Variants in PPP4R4 observed in about 807,000 individuals in gnomAD.
PPP4R4 encodes serine/threonine-protein phosphatase 4 regulatory subunit 4.
Under a neutral mutation model 121.8 loss-of-function variants are expected in PPP4R4, and 70 were observed. The observed-to-expected ratio is 0.57, with a 90% CI of 0.47 to 0.70. The LOEUF is 0.70. Ranked by LOEUF, PPP4R4 falls within the 30% of genes least tolerant of loss-of-function variation. The pLI is 0.00. For missense variants in PPP4R4, 875 were observed against 1,033.6 expected, an observed-to-expected ratio of 0.85 and a Z score of 2.10; for synonymous variants, 348 against 355.7, an observed-to-expected ratio of 0.98 and a Z score of 0.24.
intron 2 of PPP4R4, 73 bp from the exon 3 acceptor site, chr14:94,208,391 C>T: frequency 9.0e-7 from 1 of 1,110,540 alleles, no homozygotes; most frequent in South Asian, 1.9e-5. Context: ...TCCAATTAGT[C>T]CATACTTTTT....
Position 94,262,238 on chromosome 14 carries a change from G to A in PPP4R4, c.2128-2640G>A, listed in dbSNP as rs1182861429. On this transcript the variant is annotated intron_variant, in intron 19 of 24. Coordinates refer to ENST00000304338, the MANE Select transcript of PPP4R4 (RefSeq NM_058237.2). ...ATTTCCTTAGTAGACATTAGATAATGTAGATCTTCTGTTTCTTCTGTTGTC... is the reference window on the plus strand; with the variant it reads ...ATTTCCTTAGTAGACATTAGATAATATAGATCTTCTGTTTCTTCTGTTGTC... Among the ~76,000 whole-genome samples the A allele has an allele frequency of 2.6e-5, 4 of 152,094 alleles. No homozygotes were observed. The South Asian group carries it at 6.2e-4, about 24-fold the overall frequency.
chr14:94,205,549 C>T (rs1890412262), intron 2 of PPP4R4, among the ~76,000 whole-genome samples: 1 of 150,786 alleles, frequency 6.6e-6, no homozygotes, highest in African/African-American at 2.4e-5. Flanking sequence ...TTTGTTTCTT[C>T]TGCTTGTATT....
At chr14:94,211,301 G>T (rs1396861407) in intron 3 of PPP4R4, among the ~76,000 whole-genome samples, 1 of 152,160 alleles carries the variant, frequency 6.6e-6, no homozygotes, top group Non-Finnish European at 1.5e-5. Context: ...TAAGCACTCT[G>T]AGTGTACAGA....
Position 94,265,788 on chromosome 14 carries a change from C to T in PPP4R4, c.2285-6C>T, listed in dbSNP as rs1894019532. ...ACATTTTTCTTTTTTCTGCTTATTG[C>T]TCTAGGTAAAGAAATCAAGAAATCC... On this transcript the variant is annotated splice_region_variant and splice_polypyrimidine_tract_variant and intron_variant, in intron 21 of 24. Coordinates refer to ENST00000304338, the MANE Select transcript of PPP4R4 (RefSeq NM_058237.2). 2 of 1,586,530 alleles carry T rather than the reference C, an allele frequency of 1.3e-6. No individual in the cohort carries two copies. Among genetic ancestry groups the T allele is most frequent in the East Asian group, 2.2e-5 (1 of 44,574 alleles).
intron 7 of PPP4R4, among the ~76,000 whole-genome samples, chr14:94,235,837 A>G (rs1892317496): frequency 6.6e-6 from 1 of 152,184 alleles, no homozygotes; most frequent in African/African-American, 2.4e-5. Flanking sequence ...CATCTTGGGA[A>G]ATCTTTTCTT....
At chr14:94,231,179 C>T in intron 4 of PPP4R4, 63 bp from the exon 5 acceptor site, 2 of 1,284,384 alleles carry the variant, frequency 1.6e-6, no homozygotes, top group East Asian at 2.3e-5. Context: ...CTATTAATGG[C>T]TGAGTTGAAA....
chr14:94,234,627 C>T lies in PPP4R4; in HGVS notation c.689C>T (p.Ser230Phe). 6.2e-7 allele frequency: 1 copy of T among 1,608,500 alleles called. No individual in the cohort carries two copies. The highest frequency in any genetic ancestry group is 2.2e-5 in the East Asian group (1 of 44,740). Residue 230 changes from serine to phenylalanine, a missense_variant, in exon 7 of 25, where the codon TCT becomes TTT. Coordinates refer to ENST00000304338, the MANE Select transcript of PPP4R4 (RefSeq NM_058237.2). Reference sequence around the variant, plus strand: ...CAAGATGTAGAATATGAAGTTCGATCTTGTATGTGTCGGCAATTAGAAAAT... The same window carrying T: ...CAAGATGTAGAATATGAAGTTCGATTTTGTATGTGTCGGCAATTAGAAAAT... ...LCQDVEYEVR[S>F]CMCRQLENIA...
chr14:94,233,641 T>C lies in PPP4R4; in HGVS notation c.517-12T>C, dbSNP rs753373370. ...AATTTTGTGAATTTTTTTCTCTAAATTTTCTCTTTAGATTTTGAATCCACT... is the reference window on the plus strand; with the variant it reads ...AATTTTGTGAATTTTTTTCTCTAAACTTTCTCTTTAGATTTTGAATCCACT... On this transcript the variant is annotated splice_polypyrimidine_tract_variant and intron_variant, in intron 5 of 24. Transcript: ENST00000304338. 2 of 1,526,614 alleles carry C rather than the reference T, an allele frequency of 1.3e-6. No individual in the cohort carries two copies. The highest frequency in any genetic ancestry group is 1.2e-5 in the South Asian group (1 of 85,384). 94.6% of individuals were successfully genotyped at this position (1,526,614 alleles called of 1,614,324 possible).
rs1458480659 is a variant in PPP4R4 at position 94,279,660 on chromosome 14, G to A, written c.*1017G>A. 1 of 152,582 alleles carries A rather than the reference G, an allele frequency of 6.6e-6. No homozygotes were observed. The highest frequency in any genetic ancestry group is 1.5e-5 in the Non-Finnish European group (1 of 68,030). The allele number at this position is 152,582 out of a possible 1,614,324, so 9.5% of individuals were successfully genotyped here. A position where few individuals can be genotyped will look rare whatever the true frequency, so the allele number is the denominator to read the frequency against. On this transcript the variant is annotated 3_prime_UTR_variant, in exon 25 of 25. Coordinates refer to ENST00000304338, the MANE Select transcript of PPP4R4 (RefSeq NM_058237.2). ...GATGATCTAATTTGTGAATGCATAT[G>A]TATGTGTGGTTACTTTTTATAATGT...
intron 2 of PPP4R4, among the ~76,000 whole-genome samples, chr14:94,198,215 A>C (rs367828736): frequency 1.3e-5 from 2 of 152,184 alleles, no homozygotes; most frequent in South Asian, 2.1e-4. Flanking sequence ...GAGTCCTTAT[A>C]ATTTTAGTTA....
chr14:94,208,476 T>C lies in PPP4R4; in HGVS notation c.204T>C (p.Asp68=). Residue 68 remains aspartate, a synonymous_variant, in exon 3 of 25, where the codon GAT becomes GAC. Transcript: ENST00000304338. ...TTTTCTTTGTAAGTGCTGGTCAAGATGTCCAAGGAACAAGTGTGATTGCAA... is the reference window on the plus strand; with the variant it reads ...TTTTCTTTGTAAGTGCTGGTCAAGACGTCCAAGGAACAAGTGTGATTGCAA... ...RAVYLLSAGQ[D]VQGTSVIANL... 2 of 1,608,410 alleles carry C rather than the reference T, an allele frequency of 1.2e-6. No individual in the cohort carries two copies.
At chr14:94,227,896 C>T in intron 3 of PPP4R4, 1 of 980,958 alleles carries the variant, frequency 1.0e-6, no homozygotes, top group Non-Finnish European at 1.2e-6. Context: ...AAGTGTTTTC[C>T]AAACCCCAAA....
chr14:94,237,101 A>G (rs1892386872), intron 7 of PPP4R4, among the ~76,000 whole-genome samples: 1 of 152,156 alleles, frequency 6.6e-6, no homozygotes, highest in Admixed American at 6.5e-5. Flanking sequence ...AGAGTGATAT[A>G]TCATCTTCTA....
At chr14:94,198,172 T>C (rs1889983949) in intron 2 of PPP4R4, among the ~76,000 whole-genome samples, 1 of 152,244 alleles carries the variant, frequency 6.6e-6, no homozygotes, top group African/African-American at 2.4e-5. Flanking sequence ...GAAAGGACCA[T>C]TACTCCTCAT....
chr14:94,219,807 A>G (rs905243695), intron 3 of PPP4R4, among the ~76,000 whole-genome samples: 4 of 152,220 alleles, frequency 2.6e-5, no homozygotes, highest in Non-Finnish European at 4.4e-5. Context: ...TCTGGAAAAA[A>G]AAATCTTAGC....
At chr14:94,260,434 A>G (rs1283037823) in intron 19 of PPP4R4, among the ~76,000 whole-genome samples, 1 of 152,010 alleles carries the variant, frequency 6.6e-6, no homozygotes, top group Non-Finnish European at 1.5e-5. Context: ...CCCCCAAAAA[A>G]CAAAACAAAA....
chr14:94,235,388 CTTTTTTTTTT>C (rs34881107), intron 7 of PPP4R4, among the ~76,000 whole-genome samples: 15 of 50,804 alleles, frequency 3.0e-4, no homozygotes, highest in Non-Finnish European at 4.4e-4. Flanking sequence ...TCTCCTTGTT[CTTTTTTTTTT>C]TTTTTTTTTT....
Position 94,230,679 on chromosome 14 carries a change from A to C in PPP4R4, c.387A>C (p.Ala129=). 6.2e-7 allele frequency: 1 copy of C among 1,613,258 alleles called. No individual in the cohort carries two copies. Among genetic ancestry groups the C allele is most frequent in the Non-Finnish European group, 8.5e-7 (1 of 1,179,166 alleles). The change falls in exon 4 of 25, where the codon GCA becomes GCC. Residue 129 remains alanine (A), a synonymous_variant. Transcript: ENST00000304338. ...ILQDESVSIH[A]YTHSFLQVIL... is the part of the protein sequence containing the mutation. Reference sequence around the variant, plus strand: ...AGGACGAATCAGTGTCAATTCATGCATATACCCACTCATTCCTCCAAGTCA... The same window carrying C: ...AGGACGAATCAGTGTCAATTCATGCCTATACCCACTCATTCCTCCAAGTCA...
At chr14:94,192,593 T>C (rs1442594119) in intron 2 of PPP4R4, among the ~76,000 whole-genome samples, 2 of 152,142 alleles carry the variant, frequency 1.3e-5, no homozygotes, top group Non-Finnish European at 2.9e-5. Context: ...AGCTTATGAG[T>C]TATATTTTGG....
Sources: allele counts gnomAD v4.1 joint callset (sites outside exome capture counted in the v4.1 genomes callset), GRCh38; gene constraint gnomAD v4.1.1; transcripts MANE v1.5; gene names NCBI Gene and HGNC (gene_info 2026-07-23, HGNC 2026-07-21).